LZTFL1: variants seen among roughly 807,000 people sequenced by gnomAD.
LZTFL1 encodes the protein leucine zipper transcription factor like 1.
Under a neutral mutation model 45.9 loss-of-function variants are expected in LZTFL1, and 25 were observed. The observed-to-expected ratio is 0.54, with a 90% CI of 0.40 to 0.76. LZTFL1 has a LOEUF of 0.76. Ranked by LOEUF, LZTFL1 falls within the 30% of genes least tolerant of loss-of-function variation. The pLI is 0.00. For synonymous variants in LZTFL1, 93 were observed against 117.4 expected, an observed-to-expected ratio of 0.79 and a Z score of 1.35; for missense variants, 277 against 331.1, an observed-to-expected ratio of 0.84 and a Z score of 1.27.
At position 45,901,748 on chromosome 3, in the gene LZTFL1, G is replaced by A; in HGVS notation, c.-215+11372C>T. On this transcript the variant is annotated intron_variant, in intron 2 of 4. Coordinates refer to the LZTFL1 transcript ENST00000472635. This position sits in a 1 kb window ranked among gnomAD's most constrained non-coding sequence, Gnocchi z 4.3. ...TGAACCCTGTTCTCTATGTTTTTGT[G>A]GGTGAGAGATTCCGCCGGGATCTCG... The A allele has an allele frequency of 6.2e-7, 1 of 1,614,186 alleles. No individual in the cohort carries two copies. Among genetic ancestry groups the A allele is most frequent in the Non-Finnish European group, 8.5e-7 (1 of 1,180,040 alleles).
At chr3:45,896,689 G>A (rs754533069) in intron 2 of LZTFL1, among the ~76,000 whole-genome samples, 11 of 152,170 alleles carry the variant, frequency 7.2e-5, no homozygotes, top group Admixed American at 5.2e-4. Flanking sequence ...TCTCAATGTT[G>A]GGATTTAATA....
rs751750369 is a variant in LZTFL1, at chr3:45,900,307, G to A, written c.-215+12813C>T. ...TATGTGGGTGTATGCTGGTGCTCCC[G>A]GAGCTTTCAGGAAACTCAGGGGACT... is the stretch of plus-strand genomic sequence containing the variant. On this transcript the variant is annotated intron_variant, in intron 2 of 4. Transcript: ENST00000472635. This position sits in a 1 kb window ranked among gnomAD's most constrained non-coding sequence, Gnocchi z 4.7. Among the ~76,000 whole-genome samples the A allele has an allele frequency of 3.3e-5, 5 of 152,208 alleles. No individual in the cohort carries two copies. The highest frequency in any genetic ancestry group is 6.6e-5 in the Admixed American group (1 of 15,266).
Position 45,834,308 on chromosome 3 carries a change from G to A in LZTFL1, c.324-10C>T. The A allele has an allele frequency of 6.5e-7, 1 of 1,528,030 alleles. No homozygotes were observed. Among genetic ancestry groups the A allele is most frequent in the South Asian group, 1.1e-5 (1 of 87,936 alleles). 94.7% of individuals were successfully genotyped at this position (1,528,030 alleles called of 1,614,324 possible). ...TTGTTCTAATAATTCTCTTGAAGAA[G>A]AAAGCAAAGATAAAAATTATTCATT... On this transcript the variant is annotated splice_polypyrimidine_tract_variant and intron_variant, in intron 3 of 9. Transcript: ENST00000296135.
upstream of LZTFL1, among the ~76,000 whole-genome samples, chr3:45,846,542 C>T (rs551923765): frequency 5.1e-4 from 77 of 152,230 alleles, no homozygotes; most frequent in African/African-American, 1.8e-3. Flanking sequence ...GACTGGAAGC[C>T]TTACCAATAA....
chr3:45,839,691 ACTG>A (rs1008048479), intron 1 of LZTFL1, among the ~76,000 whole-genome samples: 19 of 152,192 alleles, frequency 1.2e-4, no homozygotes, highest in African/African-American at 4.3e-4. Flanking sequence ...GATTTGTAGC[ACTG>A]CTGATTTCCA....
At position 45,893,157 on chromosome 3, in the gene LZTFL1, C is replaced by CT. The variant is rs57214739; in HGVS notation, c.-215+19962dup. Among the ~76,000 whole-genome samples the CT allele has an allele frequency of 4.9e-3, 719 of 145,422 alleles. 5 individuals are homozygous for CT. Among genetic ancestry groups the CT allele is most frequent in the Middle Eastern group, 0.011 (3 of 282 alleles). ...ACTCCCCTTCCCTCTCTCTCTCTCT[C>CT]TTTTTTTTTTTGTTTGAGATGGAGT... On this transcript the variant is annotated intron_variant, in intron 2 of 4. Transcript: ENST00000472635.
chr3:45,854,147 C>A (rs998497407), intron 4 of LZTFL1, among the ~76,000 whole-genome samples: 1 of 152,232 alleles, frequency 6.6e-6, no homozygotes, highest in Non-Finnish European at 1.5e-5. Context: ...CTGCTACACA[C>A]CCCTGAACAT....
intron 2 of LZTFL1, among the ~76,000 whole-genome samples, chr3:45,897,264 G>T (rs541941925): frequency 2.0e-5 from 3 of 152,190 alleles, no homozygotes; most frequent in Non-Finnish European, 4.4e-5. Flanking sequence ...GATTCCTCTC[G>T]TGGTCCTGAC....
rs186153536 is a variant in LZTFL1 at position 45,882,130 on chromosome 3, A to G, written c.-214-23114T>C. 9.1e-3 allele frequency among the ~76,000 whole-genome samples: 1,389 copies of G among 152,298 alleles called. 20 individuals are homozygous for G. Among genetic ancestry groups the G allele is most frequent in the African/African-American group, 0.031 (1,297 of 41,542 alleles). ...AGATCCTCAAGACTTATATCAGGTG[A>G]ATTTTTTGCATTAATTTAGTCAGAA... On this transcript the variant is annotated intron_variant, in intron 2 of 4. Coordinates refer to the LZTFL1 transcript ENST00000472635.
chr3:45,912,973 A>C, intron 2 of LZTFL1: 1 of 748,344 alleles, frequency 1.3e-6, no homozygotes, highest in South Asian at 2.0e-5. Flanking sequence ...CTGCCATAGC[A>C]AATCCTGGTT....
chr3:45,871,814 G>A (rs1299285829), intron 2 of LZTFL1, among the ~76,000 whole-genome samples: 1 of 152,194 alleles, frequency 6.6e-6, no homozygotes, highest in East Asian at 1.9e-4. Flanking sequence ...CAAGAAAAGC[G>A]ACTTGCAACC....
chr3:45,859,477 T>C (rs1474552251), intron 2 of LZTFL1, among the ~76,000 whole-genome samples: 1 of 152,202 alleles, frequency 6.6e-6, no homozygotes, highest in Non-Finnish European at 1.5e-5. Flanking sequence ...TCCTCCCACC[T>C]TGGCCTCCCA....
chr3:45,833,569 A>G (rs1700887742), intron 4 of LZTFL1, among the ~76,000 whole-genome samples: 1 of 152,226 alleles, frequency 6.6e-6, no homozygotes, highest in Admixed American at 6.5e-5. Context: ...CAGATAAACA[A>G]TAACTTGGCA....
chr3:45,852,554 A>G (rs1045521478), intron 4 of LZTFL1, among the ~76,000 whole-genome samples: 3 of 152,228 alleles, frequency 2.0e-5, no homozygotes, highest in Non-Finnish European at 4.4e-5. Context: ...TAGTGAAAAG[A>G]AAAAAAGTCA....
At chr3:45,903,774 A>G (rs1269671652) in intron 2 of LZTFL1, among the ~76,000 whole-genome samples, 1 of 152,214 alleles carries the variant, frequency 6.6e-6, no homozygotes, top group Non-Finnish European at 1.5e-5. Flanking sequence ...TGGGACCAGC[A>G]GATCAACGTG....
chr3:45,846,580 G>A (rs1370254652), upstream of LZTFL1, among the ~76,000 whole-genome samples: 3 of 152,158 alleles, frequency 2.0e-5, no homozygotes, highest in East Asian at 3.9e-4. Context: ...CATACATTAT[G>A]CATTATATGT....
rs1700907670 is a variant in LZTFL1, at chr3:45,834,245, T to C, written c.377A>G (p.Asn126Ser). 4.4e-6 allele frequency: 7 copies of C among 1,589,270 alleles called. No individual in the cohort carries two copies. The highest frequency in any genetic ancestry group is 6.0e-6 in the Non-Finnish European group (7 of 1,160,056). The change falls in exon 4 of 10, where the codon AAC becomes AGC. Residue 126 changes from asparagine (N) to serine (S), a missense_variant. Transcript: ENST00000296135. Reference sequence around the variant, plus strand: ...GAATGACCAAAAAGTTACCTTTTTGTTTGAAGATGTAATCTCTGCTTTTTC... The same window carrying C: ...GAATGACCAAAAAGTTACCTTTTTGCTTGAAGATGTAATCTCTGCTTTTTC... ...EFEKAEITSS[N>S]KKPILDVTKP...
intron 1 of LZTFL1, among the ~76,000 whole-genome samples, chr3:45,914,287 A>ATT (rs61169591): frequency 3.5e-5 from 5 of 142,432 alleles, no homozygotes; most frequent in Admixed American, 6.9e-5. Context: ...ATGGATCTGC[A>ATT]TTTTTTTTTT....
At chr3:45,832,254 C>G (rs1293942080) in intron 5 of LZTFL1, among the ~76,000 whole-genome samples, 2 of 151,942 alleles carry the variant, frequency 1.3e-5, no homozygotes, top group Non-Finnish European at 2.9e-5. Context: ...AATAAAAAAC[C>G]CAAACTATTA....
Sources: allele counts gnomAD v4.1 joint callset (sites outside exome capture counted in the v4.1 genomes callset), GRCh38; gene constraint gnomAD v4.1.1; non-coding constraint Gnocchi (gnomAD v3.1); transcripts MANE v1.5; gene names NCBI Gene and HGNC (gene_info 2026-07-23, HGNC 2026-07-21).